Variants in CYP2C19 observed in about 807,000 individuals in gnomAD.
The protein encoded by CYP2C19 is cytochrome P450 2C19.
A neutral mutation model predicts 40.9 loss-of-function variants in CYP2C19; 59 were observed. That is an observed-to-expected ratio of 1.44 (90% CI 1.17 to 1.79). The LOEUF is 1.79. CYP2C19 is among the 40% of genes most tolerant of loss of function. The pLI is 0.00. For synonymous variants in CYP2C19, 253 were observed against 208.7 expected (o/e 1.21, Z -1.83); for missense variants, 754 against 596.9 (o/e 1.26, Z -2.74).
chr10:94,808,954 G>T (rs2134258594), intron 5 of CYP2C19, among the ~76,000 whole-genome samples: 1 of 152,260 alleles, frequency 6.6e-6, no homozygotes, highest in South Asian at 2.1e-4. Flanking sequence ...ATACCTAGCA[G>T]TGGGATTGCT....
intron 3 of CYP2C19, chr10:94,776,580 T>G (rs1271965628): frequency 6.6e-5 from 10 of 152,186 alleles, no homozygotes; most frequent in Non-Finnish European, 1.5e-4. Context: ...CAGAGTACTT[T>G]TGACTAAAGT....
chr10:94,847,725 C>T (rs539248082), intron 7 of CYP2C19, among the ~76,000 whole-genome samples: 1 of 152,294 alleles, frequency 6.6e-6, no homozygotes, highest in African/African-American at 2.4e-5. Context: ...TTCTCCACAT[C>T]CTCTCCTGCA....
intron 1 of CYP2C19, among the ~76,000 whole-genome samples, chr10:94,769,084 T>C (rs1848290784): frequency 6.6e-6 from 1 of 151,860 alleles, no homozygotes; most frequent in South Asian, 2.1e-4. Flanking sequence ...ATTCATTCCT[T>C]GCTGAGGGCC....
chr10:94,833,569 C>T (rs1366294861), intron 6 of CYP2C19, among the ~76,000 whole-genome samples: 2 of 151,982 alleles, frequency 1.3e-5, no homozygotes, highest in South Asian at 2.1e-4. Context: ...CGATGATAGA[C>T]TGGATTAAGA....
chr10:94,785,212 A>T lies in CYP2C19; in HGVS notation c.819+3215A>T, dbSNP rs560727452. ...TTTTTTCTTTTGCTCCTCTGGTATC[A>T]AATTTATGAACCTATTGCCAAATAT... On this transcript the variant is annotated intron_variant, in intron 5 of 8. Transcript: ENST00000371321. Among the ~76,000 whole-genome samples, 3 of 152,172 alleles carry T rather than the reference A, an allele frequency of 2.0e-5. No individual in the cohort carries two copies. In the South Asian group the frequency reaches 6.2e-4, roughly 32 times the overall value.
At chr10:94,830,001 A>T (rs530260806) in intron 6 of CYP2C19, among the ~76,000 whole-genome samples, 48 of 152,344 alleles carry the variant, frequency 3.2e-4, no homozygotes, top group South Asian at 1.2e-3. Flanking sequence ...TTGAGGAGGC[A>T]GTCTGCGCAT....
intron 1 of CYP2C19, among the ~76,000 whole-genome samples, chr10:94,764,910 A>G (rs919941116): frequency 6.6e-6 from 1 of 152,090 alleles, no homozygotes; most frequent in Non-Finnish European, 1.5e-5. Flanking sequence ...GCATTGTCTG[A>G]TTTCAGAAGC....
intron 1 of CYP2C19, among the ~76,000 whole-genome samples, chr10:94,767,344 GC>G (rs1252496737): frequency 6.6e-6 from 1 of 152,142 alleles, no homozygotes; most frequent in African/African-American, 2.4e-5. Context: ...GGCTTTAAAA[GC>G]CAGACCATTG....
At chr10:94,843,337 G>A (rs1272618492) in intron 7 of CYP2C19, among the ~76,000 whole-genome samples, 2 of 152,184 alleles carry the variant, frequency 1.3e-5, no homozygotes, top group Admixed American at 1.3e-4. Flanking sequence ...TAGAATTTCT[G>A]TCAGGGTGAC....
chr10:94,789,094 C>T (rs1848576512), intron 5 of CYP2C19, among the ~76,000 whole-genome samples: 1 of 152,010 alleles, frequency 6.6e-6, no homozygotes, highest in Admixed American at 6.6e-5. Context: ...TTCTAATGAC[C>T]AGTGATGACG....
At chr10:94,791,519 A>G (rs931379840) in intron 5 of CYP2C19, among the ~76,000 whole-genome samples, 7 of 151,988 alleles carry the variant, frequency 4.6e-5, no homozygotes, top group East Asian at 3.9e-4. Context: ...ATAAATTTCC[A>G]TCTACACACT....
rs145364542 is a variant in CYP2C19 at position 94,788,513 on chromosome 10, A to G, written c.819+6516A>G. 6.0e-4 allele frequency among the ~76,000 whole-genome samples: 91 copies of G among 152,102 alleles called. 1 individual carries two copies. The highest frequency in any genetic ancestry group is 2.1e-3 in the African/African-American group (86 of 41,538). ...CTGCACCCATCATCCTGTCACCTACATGAGGTATTTCTCCTAATGCTATCC... is the reference window on the plus strand; with the variant it reads ...CTGCACCCATCATCCTGTCACCTACGTGAGGTATTTCTCCTAATGCTATCC... On this transcript the variant is annotated intron_variant, in intron 5 of 8. Coordinates refer to ENST00000371321, the MANE Select transcript of CYP2C19 (RefSeq NM_000769.4).
intron 5 of CYP2C19, among the ~76,000 whole-genome samples, chr10:94,802,498 C>T (rs1337064668): frequency 1.3e-5 from 2 of 152,094 alleles, no homozygotes; most frequent in African/African-American, 4.8e-5. Context: ...AGATGGGTCT[C>T]CTGAATACAG....
intron 5 of CYP2C19, 41 bp from the exon 6 acceptor site, chr10:94,820,455 G>C: frequency 6.2e-7 from 1 of 1,608,748 alleles, no homozygotes; most frequent in Non-Finnish European, 8.5e-7. Flanking sequence ...CAAATATGCT[G>C]TTAAATAATT....
chr10:94,826,608 A>G (rs1392156683), intron 6 of CYP2C19, among the ~76,000 whole-genome samples: 1 of 152,164 alleles, frequency 6.6e-6, no homozygotes, highest in Non-Finnish European at 1.5e-5. Flanking sequence ...CTGTAAACAG[A>G]GACAATTTGA....
At chr10:94,827,513 C>T (rs1849248341) in intron 6 of CYP2C19, among the ~76,000 whole-genome samples, 1 of 152,010 alleles carries the variant, frequency 6.6e-6, no homozygotes, top group African/African-American at 2.4e-5. Flanking sequence ...GTGATATCCC[C>T]TTTATCGTTT....
rs147528407 is a variant in CYP2C19 at position 94,790,705 on chromosome 10, G to A, written c.819+8708G>A. On this transcript the variant is annotated intron_variant, in intron 5 of 8. Transcript: ENST00000371321. ...TCCCCGGGATGAAGCCAACTTGATCGTGGTGGATGAAGCCAACTTGATCGT... is the reference window on the plus strand; with the variant it reads ...TCCCCGGGATGAAGCCAACTTGATCATGGTGGATGAAGCCAACTTGATCGT... Among the ~76,000 whole-genome samples the A allele has an allele frequency of 4.5e-4, 68 of 152,040 alleles. No individual in the cohort carries two copies. The East Asian group carries it at 0.012, about 28-fold the overall frequency.
At chr10:94,811,964 G>A (rs1418199871) in intron 5 of CYP2C19, among the ~76,000 whole-genome samples, 4 of 152,174 alleles carry the variant, frequency 2.6e-5, no homozygotes, top group South Asian at 2.1e-4. Context: ...TTTTTTTATA[G>A]TGTTGATGGT....
chr10:94,801,090 G>C (rs568949631), intron 5 of CYP2C19, among the ~76,000 whole-genome samples: 93 of 152,206 alleles, frequency 6.1e-4, no homozygotes, highest in Non-Finnish European at 1.1e-3. Flanking sequence ...GAAATCACTT[G>C]TCTTCTGCCT....
Sources: allele counts gnomAD v4.1 joint callset (sites outside exome capture counted in the v4.1 genomes callset), GRCh38; gene constraint gnomAD v4.1.1; transcripts MANE v1.5; gene names NCBI Gene and HGNC (gene_info 2026-07-23, HGNC 2026-07-21).